Variants in TUSC3 observed in about 807,000 individuals in gnomAD.
The protein encoded by TUSC3 is dolichyl-diphosphooligosaccharide--protein glycosyltransferase subunit TUSC3.
Under a neutral mutation model 44.8 loss-of-function variants are expected in TUSC3, and 45 were observed. That is an observed-to-expected ratio of 1.00 (90% CI 0.79 to 1.29). The LOEUF (loss-of-function observed/expected upper bound fraction) is 1.29. Among genes scored for constraint, TUSC3 ranks in the 50% most tolerant of loss-of-function variants. The pLI is 0.00. For missense variants in TUSC3, 519 were observed against 437.9 expected (o/e 1.19, Z -1.65); for synonymous variants, 212 against 152.9 (o/e 1.39, Z -2.85).
the TUSC3 span, among the ~76,000 whole-genome samples, chr8:15,841,515 CA>C: frequency 6.6e-6 from 1 of 151,788 alleles, no homozygotes; most frequent in Non-Finnish European, 1.5e-5. Context: ...TGTTATGAGA[CA>C]AAATTTTTTT....
chr8:15,728,701 G>T (rs1489339108), intron 6 of TUSC3, among the ~76,000 whole-genome samples: 1 of 152,072 alleles, frequency 6.6e-6, no homozygotes, highest in Non-Finnish European at 1.5e-5. Flanking sequence ...ACTAATGTGA[G>T]AATCAATATA....
chr8:15,612,453 T>G (rs764575499), intron 1 of TUSC3, among the ~76,000 whole-genome samples: 4 of 152,236 alleles, frequency 2.6e-5, no homozygotes, highest in Non-Finnish European at 4.4e-5. Flanking sequence ...TGCAATGTAC[T>G]ATTTCTTGTA....
intron 6 of TUSC3, among the ~76,000 whole-genome samples, chr8:15,696,207 G>C (rs1460904771): frequency 2.6e-5 from 4 of 152,136 alleles, no homozygotes; most frequent in Admixed American, 2.6e-4. Context: ...TCCTCGTGCT[G>C]TGTGCAGCCT....
At chr8:15,491,310 A>G (rs1800806033) in intron 2 of TUSC3, among the ~76,000 whole-genome samples, 1 of 152,178 alleles carries the variant, frequency 6.6e-6, no homozygotes, top group Admixed American at 6.5e-5. Context: ...GGGGCCCACA[A>G]GGAATTTCCC....
the TUSC3 span, among the ~76,000 whole-genome samples, chr8:15,846,534 A>T: frequency 2.0e-5 from 3 of 152,224 alleles, no homozygotes; most frequent in Non-Finnish European, 4.4e-5. Context: ...GCCATAAAAA[A>T]GGATGAGTTC....
At chr8:15,803,011 G>C in the TUSC3 span, among the ~76,000 whole-genome samples, 1 of 152,062 alleles carries the variant, frequency 6.6e-6, no homozygotes, top group East Asian at 1.9e-4. Context: ...ACAACTTATG[G>C]TAATATTGGC....
intron 2 of TUSC3, among the ~76,000 whole-genome samples, chr8:15,534,067 T>C (rs1801488507): frequency 6.6e-6 from 1 of 152,164 alleles, no homozygotes; most frequent in South Asian, 2.1e-4. Flanking sequence ...TCTTGCTTTG[T>C]CAGGATCAAC....
chr8:15,523,111 C>T (rs1478462797), intron 2 of TUSC3, among the ~76,000 whole-genome samples: 1 of 152,110 alleles, frequency 6.6e-6, no homozygotes, highest in Non-Finnish European at 1.5e-5. Context: ...AAAGCATCTG[C>T]CAGCATGATG....
intron 1 of TUSC3, among the ~76,000 whole-genome samples, chr8:15,431,269 T>C (rs545975513): frequency 7.3e-5 from 11 of 151,644 alleles, no homozygotes; most frequent in African/African-American, 2.7e-4. Flanking sequence ...ATTGTCTCTA[T>C]AGATCACTTT....
At chr8:15,847,966 T>C in the TUSC3 span, among the ~76,000 whole-genome samples, 1 of 152,182 alleles carries the variant, frequency 6.6e-6, no homozygotes, top group African/African-American at 2.4e-5. Context: ...TTGCTGCATA[T>C]AAATCACCAA....
At chr8:15,521,120 A>G (rs1801291608) in intron 2 of TUSC3, among the ~76,000 whole-genome samples, 1 of 152,148 alleles carries the variant, frequency 6.6e-6, no homozygotes, top group South Asian at 2.1e-4. Flanking sequence ...AGTGCTAGAG[A>G]TCCATGCCAC....
chr8:15,838,437 T>C, the TUSC3 span, among the ~76,000 whole-genome samples: 28 of 152,300 alleles, frequency 1.8e-4, no homozygotes, highest in East Asian at 5.4e-3. Context: ...ATCATGACTG[T>C]GACCCACCTT....
intron 6 of TUSC3, among the ~76,000 whole-genome samples, chr8:15,701,077 A>G (rs1006378511): frequency 9.2e-5 from 14 of 152,086 alleles, no homozygotes; most frequent in Admixed American, 4.6e-4. Context: ...AAGTACATCC[A>G]TCTTGTCTGG....
intron 1 of TUSC3, among the ~76,000 whole-genome samples, chr8:15,616,067 C>G (rs1428190464): frequency 6.6e-6 from 1 of 152,010 alleles, no homozygotes; most frequent in Non-Finnish European, 1.5e-5. Context: ...GGAATAAGTT[C>G]TAATGGTCGA....
chr8:15,730,584 A>G (rs1451706699), intron 6 of TUSC3, 82 bp from the exon 7 acceptor site: 22 of 1,353,408 alleles, frequency 1.6e-5, no homozygotes, highest in South Asian at 1.0e-4. Flanking sequence ...AGATTTTTCC[A>G]TTGTTTATCT....
At chr8:15,731,390 G>C (rs574818092) in intron 7 of TUSC3, among the ~76,000 whole-genome samples, 1 of 152,216 alleles carries the variant, frequency 6.6e-6, no homozygotes, top group African/African-American at 2.4e-5. Flanking sequence ...TGTAACGTGT[G>C]CCTCTAGTAT....
chr8:15,616,504 G>T (rs1563135650), intron 1 of TUSC3, among the ~76,000 whole-genome samples: 3 of 152,222 alleles, frequency 2.0e-5, no homozygotes, highest in Admixed American at 6.5e-5. Context: ...TTGAACCTGG[G>T]AGGTGGAGGT....
chr8:15,829,802 T>C, the TUSC3 span, among the ~76,000 whole-genome samples: 1 of 152,254 alleles, frequency 6.6e-6, no homozygotes, highest in African/African-American at 2.4e-5. Flanking sequence ...TCTTTTCCTT[T>C]GGGTAGATAC....
chr8:15,849,127 C>T, the TUSC3 span, among the ~76,000 whole-genome samples: 1 of 152,112 alleles, frequency 6.6e-6, no homozygotes, highest in Non-Finnish European at 1.5e-5. Flanking sequence ...ATCAAAGATA[C>T]TACATTCGAT....
Sources: gnomAD v4.1 joint callset for allele counts (sites outside exome capture counted in the v4.1 genomes callset) on GRCh38, gnomAD v4.1.1 for gene constraint, MANE v1.5 for transcripts, NCBI Gene and HGNC (gene_info 2026-07-23, HGNC 2026-07-21) for gene names.